COL17A1: variants seen among roughly 807,000 people sequenced by gnomAD.
COL17A1 encodes collagen alpha-1(XVII) chain.
A neutral mutation model predicts 218.4 loss-of-function variants in COL17A1; 181 were observed. That is an observed-to-expected ratio of 0.83 (90% CI 0.73 to 0.94). The LOEUF (loss-of-function observed/expected upper bound fraction) is 0.94. Ranked by LOEUF, COL17A1 falls within the 40% of genes least tolerant of loss-of-function variation. COL17A1 has a pLI of 0.00. For synonymous variants in COL17A1, 721 were observed against 731.0 expected (o/e 0.99, Z 0.22); for missense variants, 1,924 against 1,945.9 (o/e 0.99, Z 0.21).
At chr10:104,063,951 G>A (rs2086604434) in intron 10 of COL17A1, 133 bp from the exon 11 acceptor site, 2 of 1,270,062 alleles carry the variant, frequency 1.6e-6, no homozygotes, top group South Asian at 2.6e-5. Flanking sequence ...TTGTTTTTAG[G>A]AAAAACAGGC....
At chr10:104,036,289 A>G (rs550209965) in intron 48 of COL17A1, among the ~76,000 whole-genome samples, 2 of 122,468 alleles carry the variant, frequency 1.6e-5, no homozygotes, top group Admixed American at 8.8e-5. Context: ...AGTGCCTGAG[A>G]CCCCCGTTTT....
chr10:104,059,845 C>G (rs1478677442), intron 14 of COL17A1, 127 bp from the exon 15 acceptor site: 1 of 1,093,754 alleles, frequency 9.1e-7, no homozygotes, highest in Non-Finnish European at 1.4e-6. Context: ...AAGAAGAGCC[C>G]CTCTTTCCTG....
chr10:104,069,439 C>A (rs1309283839), intron 9 of COL17A1, among the ~76,000 whole-genome samples: 1 of 152,176 alleles, frequency 6.6e-6, no homozygotes, highest in Non-Finnish European at 1.5e-5. Context: ...TGGCATCCCC[C>A]TTCCTCTGGA....
intron 2 of COL17A1, among the ~76,000 whole-genome samples, chr10:104,079,243 TC>T (rs1272505091): frequency 6.6e-6 from 1 of 152,258 alleles, no homozygotes; most frequent in Middle Eastern, 3.4e-3. Context: ...GGTGAATCCA[TC>T]ACTCATGCTC....
chr10:104,033,274 T>C lies in COL17A1; in HGVS notation c.4258A>G (p.Ser1420Gly). Residue 1420 changes from serine to glycine, a missense_variant, in exon 53 of 56, where the codon AGC becomes GGC. Physicochemically the swap from Ser to Gly is moderately conservative, Grantham distance 56. Coordinates refer to ENST00000648076, the MANE Select transcript of COL17A1 (RefSeq NM_000494.4). The stretch of plus-strand genomic sequence containing the variant: ...TCCATGAGGTCCGCAGTCACGTTGC[T>C]GTAGGCAGAGAAGACCTTGCTGATG... ...PGISKVFSAY[S>G]NVTADLMDFF... The C allele has an allele frequency of 6.3e-7, 1 of 1,595,364 alleles. No individual in the cohort carries two copies. The highest frequency in any genetic ancestry group is 8.5e-7 in the Non-Finnish European group (1 of 1,171,006).
chr10:104,037,149 A>T, intron 46 of COL17A1, 36 bp from the exon 47 acceptor site: 1 of 1,567,830 alleles, frequency 6.4e-7, no homozygotes, highest in Non-Finnish European at 8.7e-7. Flanking sequence ...CCTGCTTAGC[A>T]GGTACTGAAG....
At position 104,076,239 on chromosome 10, in the gene COL17A1, A is replaced by G. The variant is rs1182313141; in HGVS notation, c.331+62T>C. The G allele has an allele frequency of 2.5e-6, 4 of 1,611,296 alleles. No homozygotes were observed. The African/African-American group carries it at 5.3e-5, about 22-fold the overall frequency. Reference sequence around the variant, plus strand: ...AGGTGGCCAGCATGTAAATCTTCAAAGAATGAGTGAAGTTGCTTGGGGAAG... The same window carrying G: ...AGGTGGCCAGCATGTAAATCTTCAAGGAATGAGTGAAGTTGCTTGGGGAAG... On this transcript the variant is annotated intron_variant, in intron 5 of 55. Transcript: ENST00000648076.
chr10:104,050,735 C>G, intron 26 of COL17A1, 79 bp from the exon 27 acceptor site: 7 of 1,614,138 alleles, frequency 4.3e-6, no homozygotes, highest in Non-Finnish European at 5.9e-6. Flanking sequence ...TCTCTGAAGA[C>G]AGGCTCCCTC....
chr10:104,050,003 T>C (rs2086451916), intron 28 of COL17A1, 86 bp downstream of exon 28: 11 of 1,602,896 alleles, frequency 6.9e-6, no homozygotes, highest in South Asian at 3.3e-5. Context: ...ATTCGGTCTC[T>C]TACTTCTGGA....
chr10:104,061,563 A>T (rs1166378006), intron 12 of COL17A1, 90 bp from the exon 13 acceptor site: 55 of 1,062,216 alleles, frequency 5.2e-5, no homozygotes, highest in Non-Finnish European at 7.5e-5. Flanking sequence ...GGTACCCCCG[A>T]CCCTCTCCAG....
At chr10:104,046,719 A>G in intron 32 of COL17A1, 28 bp downstream of exon 32, 1 of 1,612,976 alleles carries the variant, frequency 6.2e-7, no homozygotes, top group Non-Finnish European at 8.5e-7. Context: ...GGTGGGAGAC[A>G]GCAGGTGGGA....
intron 1 of COL17A1, among the ~76,000 whole-genome samples, chr10:104,082,581 C>T (rs139505411): frequency 2.1e-4 from 32 of 152,268 alleles, no homozygotes; most frequent in Admixed American, 7.2e-4. Flanking sequence ...TAACAATCCA[C>T]GGAAACTTTT....
rs1040360316 is a variant in COL17A1 at position 104,059,252 on chromosome 10, A to G, written c.1222+386T>C. On this transcript the variant is annotated intron_variant, in intron 15 of 55. Transcript: ENST00000648076. ...GAGATTCCTATAGGGCATCGTCAAG[A>G]AATGTGGTTATCAGACAAAGAACGC... The G allele has an allele frequency of 5.6e-5, 17 of 302,836 alleles. No individual in the cohort carries two copies. The Admixed American group carries it at 7.9e-4, about 14-fold the overall frequency. 18.8% of individuals were successfully genotyped at this position (302,836 alleles called of 1,614,324 possible). A position where few individuals can be genotyped will look rare whatever the true frequency, so the allele number is the denominator to read the frequency against.
At chr10:104,047,702 T>G in intron 31 of COL17A1, 37 bp downstream of exon 31, 1 of 1,547,198 alleles carries the variant, frequency 6.5e-7, no homozygotes, top group Non-Finnish European at 8.9e-7. Flanking sequence ...ACACACACAC[T>G]AAGCAGGGCC....
intron 12 of COL17A1, 55 bp downstream of exon 12, chr10:104,062,203 A>G (rs1311392137): frequency 1.2e-6 from 2 of 1,613,408 alleles, no homozygotes; most frequent in African/African-American, 2.7e-5. Context: ...AGTGAGTTGT[A>G]GCTGCAAAGA....
At chr10:104,042,315 A>G (rs1171653675) in intron 36 of COL17A1, 105 bp downstream of exon 36, 9 of 1,287,538 alleles carry the variant, frequency 7.0e-6, no homozygotes, top group Non-Finnish European at 1.0e-5. Flanking sequence ...CTTTTCCAAA[A>G]CACACCTTTC....
intron 19 of COL17A1, 162 bp from the exon 20 acceptor site, chr10:104,055,169 C>T (rs1461713659): frequency 6.9e-6 from 10 of 1,453,432 alleles, no homozygotes; most frequent in Admixed American, 2.0e-5. Flanking sequence ...CATTTGGGCT[C>T]ATTGCTGGGC....
In COL17A1 at chr10:104,039,497, G is replaced by A. The variant is rs191121575; in HGVS notation, c.2844C>T (p.Asn948=). 1.2e-6 allele frequency: 2 copies of A among 1,614,162 alleles called. No homozygotes were observed. Among genetic ancestry groups the A allele is most frequent in the East Asian group, 2.2e-5 (1 of 44,872 alleles). ...CAGGTGGGCCTGGTGGTCCCTGAAG[G>A]TTGAGTCCGAAAGAACTGGACCCTG... ...STSGSSSFGL[N]LQGPPGPPGP... Residue 948 remains asparagine, a synonymous_variant, in exon 43 of 56, where the codon AAC becomes AAT. Coordinates refer to ENST00000648076, the MANE Select transcript of COL17A1 (RefSeq NM_000494.4).
At chr10:104,054,568 C>T (rs2086501353) in intron 20 of COL17A1, among the ~76,000 whole-genome samples, 1 of 152,058 alleles carries the variant, frequency 6.6e-6, no homozygotes, top group African/African-American at 2.4e-5. Flanking sequence ...TGACTTCCTG[C>T]CCTGGGGTTG....
Sources: gnomAD v4.1 joint callset for allele counts (sites outside exome capture counted in the v4.1 genomes callset) on GRCh38, gnomAD v4.1.1 for gene constraint, MANE v1.5 for transcripts, NCBI Gene and HGNC (gene_info 2026-07-23, HGNC 2026-07-21) for gene names.